PDE6C: variants seen among roughly 807,000 people sequenced by gnomAD.
PDE6C encodes cone cGMP-specific 3',5'-cyclic phosphodiesterase subunit alpha'.
Under a neutral mutation model 113.1 loss-of-function variants are expected in PDE6C, and 75 were observed. That is an observed-to-expected ratio of 0.66 (90% CI 0.55 to 0.80). The LOEUF (loss-of-function observed/expected upper bound fraction) is 0.80. Among genes scored for constraint, PDE6C ranks in the 30% least tolerant of loss-of-function variants. The pLI is 0.00. For missense variants in PDE6C, 912 were observed against 1,038.6 expected (o/e 0.88, Z 1.67); for synonymous variants, 375 against 363.7 (o/e 1.03, Z -0.35).
At chr10:93,660,699 A>G (rs2133878223) in intron 18 of PDE6C, among the ~76,000 whole-genome samples, 1 of 152,250 alleles carries the variant, frequency 6.6e-6, no homozygotes, top group South Asian at 2.1e-4. Flanking sequence ...CCACCTCGAC[A>G]TGCCTGCTCT....
At chr10:93,620,599 C>T (rs1376999092) in intron 1 of PDE6C, 33 bp from the exon 2 acceptor site, 5 of 1,611,582 alleles carry the variant, frequency 3.1e-6, no homozygotes, top group East Asian at 4.5e-5. Flanking sequence ...TGATTTTGTG[C>T]CACTTTGACA....
Position 93,621,974 on chromosome 10 carries a change from G to A in PDE6C, c.766G>A (p.Asp256Asn). 1 of 1,613,598 alleles carries A rather than the reference G, an allele frequency of 6.2e-7. No individual in the cohort carries two copies. Among genetic ancestry groups the A allele is most frequent in the Non-Finnish European group, 8.5e-7 (1 of 1,179,842 alleles). ...SANKVFEELT[D>N]VERQFHKALY... ...CAATAAAGTATTTGAAGAACTCACAGATGTTGAGCGACAGTTTCACAAAGC... is the reference window on the plus strand; with the variant it reads ...CAATAAAGTATTTGAAGAACTCACAAATGTTGAGCGACAGTTTCACAAAGC... Residue 256 changes from aspartate to asparagine, a missense_variant, in exon 4 of 22, where the codon GAT (aspartate) becomes AAT (asparagine). Physicochemically the swap from Asp to Asn is conservative, Grantham distance 23. Coordinates refer to ENST00000371447, the MANE Select transcript of PDE6C (RefSeq NM_006204.4).
intron 21 of PDE6C, 98 bp from the exon 22 acceptor site, chr10:93,665,262 T>C (rs2058684893): frequency 2.2e-6 from 2 of 910,068 alleles, no homozygotes; most frequent in African/African-American, 1.6e-5. Flanking sequence ...AATGACTAAT[T>C]AGTCTACAAA....
chr10:93,630,680 C>G (rs2058497065), intron 8 of PDE6C, among the ~76,000 whole-genome samples: 1 of 152,156 alleles, frequency 6.6e-6, no homozygotes, highest in Non-Finnish European at 1.5e-5. Context: ...CTCTCACATA[C>G]AGAGCCCCAT....
chr10:93,616,975 T>A (rs957854456), intron 1 of PDE6C, among the ~76,000 whole-genome samples: 1 of 152,212 alleles, frequency 6.6e-6, no homozygotes, highest in African/African-American at 2.4e-5. Flanking sequence ...AAGTTGTTTT[T>A]TTCTCTATTC....
Position 93,662,625 on chromosome 10 carries a change from T to C in PDE6C, c.2349T>C (p.Val783=), listed in dbSNP as rs373526820. ...TTCAAGTTGGATTTATTGATTTTGT[T>C]TGTACTTTTGTATATAAGGTAAGTA... ...PKLQVGFIDF[V]CTFVYKEFSR... Residue 783 remains valine (V), a synonymous_variant, in exon 20 of 22, where the codon GTT becomes GTC. Coordinates refer to ENST00000371447, the MANE Select transcript of PDE6C (RefSeq NM_006204.4). 3.6e-6 allele frequency: 5 copies of C among 1,395,188 alleles called. No individual in the cohort carries two copies. Among genetic ancestry groups the C allele is most frequent in the African/African-American group, 1.4e-5 (1 of 70,856 alleles). 86.4% of individuals were successfully genotyped at this position (1,395,188 alleles called of 1,614,324 possible). A position where few individuals can be genotyped will look rare whatever the true frequency, so the allele number is the denominator to read the frequency against.
At position 93,613,073 on chromosome 10, in the gene PDE6C, T is replaced by C; in HGVS notation, c.348T>C (p.Asp116=). 6.2e-7 allele frequency: 1 copy of C among 1,614,212 alleles called. No homozygotes were observed. Among genetic ancestry groups the C allele is most frequent in the Non-Finnish European group, 8.5e-7 (1 of 1,180,034 alleles). The change falls in exon 1 of 22, where the codon GAT becomes GAC. Residue 116 remains aspartate (D), a synonymous_variant. Coordinates refer to ENST00000371447, the MANE Select transcript of PDE6C (RefSeq NM_006204.4). ...GIPEVASRLL[D]VTPTSKFEDN... ...CTGAGGTGGCCTCTAGGTTGCTGGA[T>C]GTCACCCCCACCTCCAAGTTTGAGG...
At chr10:93,654,997 T>C (rs984261077) in intron 15 of PDE6C, among the ~76,000 whole-genome samples, 1 of 151,832 alleles carries the variant, frequency 6.6e-6, no homozygotes, top group Admixed American at 6.6e-5. Flanking sequence ...ATATTTTTAG[T>C]AGAGACAGGA....
intron 14 of PDE6C, among the ~76,000 whole-genome samples, chr10:93,643,617 C>G (rs1273653295): frequency 6.6e-6 from 1 of 151,664 alleles, no homozygotes; most frequent in Admixed American, 6.6e-5. Flanking sequence ...TGTTGAACTC[C>G]TGGGCTCAAG....
In PDE6C at chr10:93,621,943, G is replaced by C; in HGVS notation, c.735G>C (p.Trp245Cys). The C allele has an allele frequency of 6.2e-7, 1 of 1,613,620 alleles. No individual in the cohort carries two copies. The highest frequency in any genetic ancestry group is 8.5e-7 in the Non-Finnish European group (1 of 1,179,944). The change falls in exon 4 of 22, where the codon TGG (tryptophan) becomes TGC (cysteine). Residue 245 changes from tryptophan to cysteine, a missense_variant. Physicochemically the swap from Trp to Cys is radical, Grantham distance 215. Coordinates refer to ENST00000371447, the MANE Select transcript of PDE6C (RefSeq NM_006204.4). ...ATACCTACTTTCAGATCCTTATGTG[G>C]TCAGCCAATAAAGTATTTGAAGAAC... ...IESRRSQILMWSANKVFEELT... is the reference protein window; with the variant it reads ...IESRRSQILMCSANKVFEELT...
chr10:93,637,983 A>G (rs759497928), intron 11 of PDE6C, among the ~76,000 whole-genome samples: 6 of 152,152 alleles, frequency 3.9e-5, no homozygotes, highest in Non-Finnish European at 8.8e-5. Context: ...TTCATTTGGA[A>G]TGATCTTTTT....
At chr10:93,655,388 ATTCT>A (rs1195075317) in intron 15 of PDE6C, among the ~76,000 whole-genome samples, 1 of 152,180 alleles carries the variant, frequency 6.6e-6, no homozygotes, top group Non-Finnish European at 1.5e-5. Flanking sequence ...TCTCCCAGAA[ATTCT>A]TTATTAAAGC....
In PDE6C at chr10:93,620,986, A is replaced by C. The variant is rs193124699; in HGVS notation, c.723+6A>C. On this transcript the variant is annotated splice_donor_region_variant and intron_variant, in intron 3 of 21. Transcript: ENST00000371447. Reference sequence around the variant, plus strand: ...TTGAATCCCGAAGAAGCCAGGTAAAAGGAAGGCAGCATTAGTCATTCCATG... The same window carrying C: ...TTGAATCCCGAAGAAGCCAGGTAAACGGAAGGCAGCATTAGTCATTCCATG... The C allele has an allele frequency of 4.4e-6, 7 of 1,609,162 alleles. No individual in the cohort carries two copies. Among genetic ancestry groups the C allele is most frequent in the Non-Finnish European group, 5.1e-6 (6 of 1,175,598 alleles).
At position 93,635,634 on chromosome 10, in the gene PDE6C, C is replaced by G. The variant is rs146481295; in HGVS notation, c.1407C>G (p.Ser469=). 7 of 1,613,714 alleles carry G rather than the reference C, an allele frequency of 4.3e-6. No homozygotes were observed. The African/African-American group carries it at 9.3e-5, about 22-fold the overall frequency. Residue 469 remains serine, a synonymous_variant, in exon 10 of 22, where the codon TCC becomes TCG. Coordinates refer to ENST00000371447, the MANE Select transcript of PDE6C (RefSeq NM_006204.4). ...AAGCCACTCCTGAAGAAATTAAGTCCATTTTGGTAAGTGGGAAATTCAGTC... is the reference window on the plus strand; with the variant it reads ...AAGCCACTCCTGAAGAAATTAAGTCGATTTTGGTAAGTGGGAAATTCAGTC... ...QTKATPEEIK[S]ILKFQEKLNV...
In PDE6C at chr10:93,662,070, G is replaced by A; in HGVS notation, c.2220G>A (p.Met740Ile). 6.2e-7 allele frequency: 1 copy of A among 1,605,134 alleles called. No homozygotes were observed. The highest frequency in any genetic ancestry group is 8.5e-7 in the Non-Finnish European group (1 of 1,171,952). Reference sequence around the variant, plus strand: ...TTTCTCATTTGCAGGTAGCACTTATGGTTGCAAATGAATTTTGGGAACAAG... The same window carrying A: ...TTTCTCATTTGCAGGTAGCACTTATAGTTGCAAATGAATTTTGGGAACAAG... The part of the protein sequence containing the change: ...PWEVQSQVAL[M>I]VANEFWEQGD... The change falls in exon 19 of 22, where the codon ATG becomes ATA. Residue 740 changes from methionine (M) to isoleucine (I), a missense_variant. Physicochemically the swap from Met to Ile is conservative, Grantham distance 10. Coordinates refer to ENST00000371447, the MANE Select transcript of PDE6C (RefSeq NM_006204.4).
At chr10:93,629,658 C>G (rs999105532) in intron 8 of PDE6C, among the ~76,000 whole-genome samples, 1 of 152,146 alleles carries the variant, frequency 6.6e-6, no homozygotes, top group Non-Finnish European at 1.5e-5. Context: ...TGGGATGAAA[C>G]TTCCACCTCA....
intron 15 of PDE6C, among the ~76,000 whole-genome samples, chr10:93,647,313 A>G (rs2058589685): frequency 6.6e-6 from 1 of 152,120 alleles, no homozygotes; most frequent in Non-Finnish European, 1.5e-5. Flanking sequence ...TTCAATAATA[A>G]TCTTTTATTA....
At chr10:93,624,942 G>T (rs2058466711) in intron 4 of PDE6C, among the ~76,000 whole-genome samples, 1 of 152,124 alleles carries the variant, frequency 6.6e-6, no homozygotes, top group Non-Finnish European at 1.5e-5. Context: ...ACAACTGGGA[G>T]GCATTTTCTC....
chr10:93,619,596 T>A lies in PDE6C; in HGVS notation c.481-1036T>A, dbSNP rs4917865. Among the ~76,000 whole-genome samples, 774 of 152,214 alleles carry A rather than the reference T, an allele frequency of 5.1e-3. 34 individuals carry two copies. Among genetic ancestry groups the A allele is most frequent in the Admixed American group, 0.045 (690 of 15,282 alleles). ...GGCGTGCCACCACGCTTGGCTAGTT[T>A]TTGTATTTTAGTAGAGACAGGGTTT... On this transcript the variant is annotated intron_variant, in intron 1 of 21. Coordinates refer to ENST00000371447, the MANE Select transcript of PDE6C (RefSeq NM_006204.4).
Sources: gnomAD v4.1 joint callset for allele counts (sites outside exome capture counted in the v4.1 genomes callset) on GRCh38, gnomAD v4.1.1 for gene constraint, MANE v1.5 for transcripts, NCBI Gene and HGNC (gene_info 2026-07-23, HGNC 2026-07-21) for gene names.